The following ZNF385B variants were observed in gnomAD, a reference collection of about 807,000 sequenced individuals.
ZNF385B encodes the protein zinc finger protein 385B.
A neutral mutation model predicts 39.2 loss-of-function variants in ZNF385B; 23 were observed. The ratio of observed to expected loss-of-function variants is 0.59; its 90% CI spans 0.42 to 0.83. ZNF385B has a LOEUF of 0.83. ZNF385B is among the 40% of genes least tolerant of loss of function. The probability of loss-of-function intolerance (pLI) is 0.00; values close to 1 mark genes in which losing one functional copy is unlikely to be tolerated. For synonymous variants in ZNF385B, 205 were observed against 222.6 expected, an observed-to-expected ratio of 0.92 and a Z score of 0.70; for missense variants, 552 against 598.9, an observed-to-expected ratio of 0.92 and a Z score of 0.82.
At chr2:179,467,861 A>G (rs62177200) in intron 6 of ZNF385B, among the ~76,000 whole-genome samples, 7,171 of 152,214 alleles carry the variant, frequency 0.047, 251 homozygotes, top group Middle Eastern at 0.11. Flanking sequence ...CTTAGGACCC[A>G]TAAAAGTTAG....
chr2:179,654,052 G>A (rs1693478445), intron 3 of ZNF385B, among the ~76,000 whole-genome samples: 1 of 152,124 alleles, frequency 6.6e-6, no homozygotes, highest in East Asian at 1.9e-4. Context: ...AAAGACCTTG[G>A]ATTTGGTGAC....
chr2:179,609,441 G>T (rs534112828), intron 3 of ZNF385B, among the ~76,000 whole-genome samples: 2 of 152,200 alleles, frequency 1.3e-5, no homozygotes, highest in Admixed American at 6.5e-5. Context: ...ATTGTGCATT[G>T]TGTATATGTA....
At chr2:179,548,991 C>T (rs2060404161) in intron 3 of ZNF385B, among the ~76,000 whole-genome samples, 1 of 149,494 alleles carries the variant, frequency 6.7e-6, no homozygotes. Context: ...CTCCTGGCAA[C>T]CACTAATCTA....
chr2:179,483,359 GT>G lies in ZNF385B; in HGVS notation c.627del (p.Lys209AsnfsTer36). The stretch of plus-strand genomic sequence containing the variant: ...CTGTCCTTGGAAGGAACCATTTTGG[GT>G]TTATTTTTCGTTGCGTCTAGTGCTT... ...KVKALDATKNKPKMVPSKDSA... is the reference protein window; with the variant it reads ...KVKALDATKNXPKMVPSKDSA... On this transcript the variant is annotated frameshift_variant, in exon 6 of 10. Coordinates refer to ENST00000410066, the MANE Select transcript of ZNF385B (RefSeq NM_152520.6). LOFTEE classifies it high-confidence loss of function. 6.2e-7 allele frequency: 1 copy of G among 1,614,022 alleles called. No homozygotes were observed. Among genetic ancestry groups the G allele is most frequent in the Non-Finnish European group, 8.5e-7 (1 of 1,179,940 alleles).
intron 3 of ZNF385B, among the ~76,000 whole-genome samples, chr2:179,547,226 C>G (rs1367025110): frequency 6.7e-6 from 1 of 149,204 alleles, no homozygotes; most frequent in Non-Finnish European, 1.5e-5. Flanking sequence ...AACTTGTGAT[C>G]TCATTTGTCC....
intron 3 of ZNF385B, among the ~76,000 whole-genome samples, chr2:179,763,058 C>T (rs1404647252): frequency 6.6e-6 from 1 of 152,070 alleles, no homozygotes; most frequent in Non-Finnish European, 1.5e-5. Context: ...GCACTTGTCA[C>T]CATGCTAGGT....
intron 3 of ZNF385B, among the ~76,000 whole-genome samples, chr2:179,719,166 C>T (rs1700522162): frequency 6.6e-6 from 1 of 152,070 alleles, no homozygotes; most frequent in South Asian, 2.1e-4. Flanking sequence ...TTCCTGCCTC[C>T]ACCCATGAGC....
At chr2:179,475,689 A>ATGTT (rs1491149207) in intron 6 of ZNF385B, among the ~76,000 whole-genome samples, 3 of 152,126 alleles carry the variant, frequency 2.0e-5, no homozygotes, top group Non-Finnish European at 1.5e-5. Flanking sequence ...GACTTTACAC[A>ATGTT]TGTTTCATTG....
At chr2:179,633,208 C>A (rs993753921) in intron 3 of ZNF385B, among the ~76,000 whole-genome samples, 2 of 152,148 alleles carry the variant, frequency 1.3e-5, no homozygotes, top group Non-Finnish European at 2.9e-5. Flanking sequence ...TTTTATGAGA[C>A]CAACATCATC....
At chr2:179,836,333 C>T (rs1480664772) in intron 1 of ZNF385B, among the ~76,000 whole-genome samples, 1 of 152,166 alleles carries the variant, frequency 6.6e-6, no homozygotes, top group Non-Finnish European at 1.5e-5. Flanking sequence ...ACTTCATAGA[C>T]CCACAGTGTT....
intron 3 of ZNF385B, among the ~76,000 whole-genome samples, chr2:179,645,598 T>C (rs1398931758): frequency 1.3e-5 from 2 of 152,176 alleles, no homozygotes; most frequent in African/African-American, 2.4e-5. Context: ...TCTCCCAATA[T>C]AGTTCATGAA....
intron 7 of ZNF385B, 140 bp downstream of exon 7, chr2:179,446,385 C>A: frequency 8.3e-7 from 1 of 1,211,622 alleles, no homozygotes; most frequent in Non-Finnish European, 1.1e-6. Context: ...TCATACTTTT[C>A]TAAAATCACT....
intron 3 of ZNF385B, among the ~76,000 whole-genome samples, chr2:179,726,165 A>G (rs1357551497): frequency 6.6e-6 from 1 of 152,000 alleles, no homozygotes; most frequent in African/African-American, 2.4e-5. Flanking sequence ...ACCAGTTTAA[A>G]AAAAGGAGTA....
At chr2:179,843,491 T>A (rs1291482202) in intron 1 of ZNF385B, among the ~76,000 whole-genome samples, 2 of 152,226 alleles carry the variant, frequency 1.3e-5, no homozygotes, top group African/African-American at 4.8e-5. Flanking sequence ...AAGATAAATA[T>A]TAACTGAGTT....
At chr2:179,731,375 C>T (rs1011442032) in intron 3 of ZNF385B, among the ~76,000 whole-genome samples, 3 of 152,170 alleles carry the variant, frequency 2.0e-5, no homozygotes, top group Non-Finnish European at 4.4e-5. Context: ...GAACCTGTGG[C>T]TGCCTGATAC....
chr2:179,710,248 C>A (rs1427780817), intron 3 of ZNF385B, among the ~76,000 whole-genome samples: 2 of 152,128 alleles, frequency 1.3e-5, no homozygotes. Flanking sequence ...CCTTGGGATC[C>A]AGGTAGACAG....
intron 3 of ZNF385B, among the ~76,000 whole-genome samples, chr2:179,561,250 G>T (rs908800776): frequency 6.6e-6 from 1 of 152,056 alleles, no homozygotes; most frequent in Non-Finnish European, 1.5e-5. Flanking sequence ...TCTATGAAAA[G>T]CAAACATAGA....
At chr2:179,792,138 C>G (rs1324531458) in intron 1 of ZNF385B, among the ~76,000 whole-genome samples, 2 of 152,136 alleles carry the variant, frequency 1.3e-5, no homozygotes, top group Non-Finnish European at 2.9e-5. Context: ...AAAGTGTTCA[C>G]TCAAGACAAG....
At chr2:179,815,424 A>T (rs774588704) in intron 1 of ZNF385B, among the ~76,000 whole-genome samples, 18 of 152,210 alleles carry the variant, frequency 1.2e-4, no homozygotes, top group Non-Finnish European at 2.2e-4. Context: ...ATAGAACTTG[A>T]GAAGAATGAT....
Sources: allele counts gnomAD v4.1 joint callset (sites outside exome capture counted in the v4.1 genomes callset), GRCh38; gene constraint gnomAD v4.1.1; transcripts MANE v1.5; gene names NCBI Gene and HGNC (gene_info 2026-07-23, HGNC 2026-07-21).